The following SPTLC2 variants were observed in gnomAD, a reference collection of about 807,000 sequenced individuals.
SPTLC2 encodes the protein serine palmitoyltransferase 2.
A neutral mutation model predicts 62.0 loss-of-function variants in SPTLC2; 21 were observed. The observed-to-expected ratio is 0.34, with a 90% CI of 0.24 to 0.49. SPTLC2 has a LOEUF of 0.49. SPTLC2 is among the 20% of genes least tolerant of loss of function. The pLI, the probability that SPTLC2 is intolerant of heterozygous loss-of-function variation, is 0.99. For missense variants in SPTLC2, 511 were observed against 713.0 expected, an observed-to-expected ratio of 0.72 and a Z score of 3.23; for synonymous variants, 261 against 261.8, an observed-to-expected ratio of 1.00 and a Z score of 0.03.
At chr14:77,595,175 G>A (rs367942500) in intron 2 of SPTLC2, among the ~76,000 whole-genome samples, 1 of 152,068 alleles carries the variant, frequency 6.6e-6, no homozygotes, top group Non-Finnish European at 1.5e-5. Context: ...GAACAGCCTG[G>A]CCAACATGGT....
At chr14:77,554,445 A>T (rs1020457047) in intron 8 of SPTLC2, among the ~76,000 whole-genome samples, 1 of 152,156 alleles carries the variant, frequency 6.6e-6, no homozygotes, top group African/African-American at 2.4e-5. Flanking sequence ...TCCGGCAACT[A>T]CTAATCTACT....
chr14:77,607,405 T>C (rs1181975019), intron 1 of SPTLC2, among the ~76,000 whole-genome samples: 1 of 152,208 alleles, frequency 6.6e-6, no homozygotes, highest in Non-Finnish European at 1.5e-5. Flanking sequence ...GCAAAAGTAA[T>C]TACTTTCAAT....
intron 9 of SPTLC2, among the ~76,000 whole-genome samples, chr14:77,549,926 C>A (rs1464205734): frequency 6.6e-6 from 1 of 152,182 alleles, no homozygotes; most frequent in African/African-American, 2.4e-5. Flanking sequence ...AGCTCTTAGC[C>A]ATTTCTTAGT....
At chr14:77,559,279 C>T (rs1969599) in intron 6 of SPTLC2, among the ~76,000 whole-genome samples, 9,427 of 152,086 alleles carry the variant, frequency 0.062, 407 homozygotes, top group Admixed American at 0.15. Context: ...GCCAAGATCA[C>T]GCCACTGCCC....
At chr14:77,550,669 AG>A (rs34448670) in intron 9 of SPTLC2, among the ~76,000 whole-genome samples, 25,535 of 151,974 alleles carry the variant, frequency 0.17, 2,424 homozygotes, top group African/African-American at 0.26. Flanking sequence ...TGGAAGGCCA[AG>A]GCAGGCAGAC....
intron 2 of SPTLC2, among the ~76,000 whole-genome samples, chr14:77,583,241 AAAT>A (rs1422851861): frequency 6.8e-6 from 1 of 148,012 alleles, no homozygotes; most frequent in African/African-American, 2.5e-5. Flanking sequence ...AAATAAATAA[AAAT>A]AATAATTTTA....
chr14:77,578,424 TAAAG>T (rs1341319046), intron 3 of SPTLC2, among the ~76,000 whole-genome samples: 1 of 150,906 alleles, frequency 6.6e-6, no homozygotes, highest in East Asian at 2.0e-4. Flanking sequence ...TTTTTAAAAA[TAAAG>T]AAGCCAGGCT....
Position 77,508,678 on chromosome 14 carries a change from C to T in SPTLC2, c.*3606G>A, listed in dbSNP as rs1403358903. On this transcript the variant is annotated 3_prime_UTR_variant, in exon 12 of 12. Coordinates refer to ENST00000216484, the MANE Select transcript of SPTLC2 (RefSeq NM_004863.4). ...AGAAGGAAGCAAAGTGTATAACACA[C>T]TAGAAAATTCAGCTAGGCTGAACTA... is the stretch of plus-strand genomic sequence containing the variant. The T allele has an allele frequency of 1.3e-5, 2 of 152,176 alleles. No individual in the cohort carries two copies. The highest frequency in any genetic ancestry group is 4.8e-5 in the African/African-American group (2 of 41,440). 9.4% of individuals were successfully genotyped at this position (152,176 alleles called of 1,614,324 possible).
chr14:77,573,032 C>T (rs981947416), intron 4 of SPTLC2, among the ~76,000 whole-genome samples: 8 of 152,172 alleles, frequency 5.3e-5, no homozygotes, highest in African/African-American at 1.2e-4. Context: ...TAATTTTCTT[C>T]GAGAACTTTT....
At chr14:77,547,126 A>G (rs1269966182) in intron 9 of SPTLC2, among the ~76,000 whole-genome samples, 2 of 152,118 alleles carry the variant, frequency 1.3e-5, no homozygotes, top group African/African-American at 4.8e-5. Context: ...CGGCCTCCCA[A>G]AGTGCTGGGA....
At chr14:77,519,843 C>T (rs2079377404) in intron 10 of SPTLC2, among the ~76,000 whole-genome samples, 1 of 152,152 alleles carries the variant, frequency 6.6e-6, no homozygotes. Flanking sequence ...GCACATGCTC[C>T]CAAACTGTCT....
chr14:77,532,434 G>A (rs544779160), intron 9 of SPTLC2, among the ~76,000 whole-genome samples: 2 of 152,108 alleles, frequency 1.3e-5, no homozygotes, highest in Non-Finnish European at 2.9e-5. Flanking sequence ...TGCATACCCT[G>A]CCAAGATGGG....
chr14:77,576,288 C>T (rs1481385119), intron 4 of SPTLC2, among the ~76,000 whole-genome samples: 2 of 152,056 alleles, frequency 1.3e-5, no homozygotes, highest in Non-Finnish European at 2.9e-5. Context: ...AAACTTAAAA[C>T]AATAATAAAA....
At chr14:77,528,330 C>G (rs1412790154) in intron 9 of SPTLC2, among the ~76,000 whole-genome samples, 1 of 152,050 alleles carries the variant, frequency 6.6e-6, no homozygotes, top group Non-Finnish European at 1.5e-5. Flanking sequence ...CTCCCGGGTT[C>G]AGGCAATTCT....
chr14:77,580,030 T>C (rs1032965328), intron 2 of SPTLC2, among the ~76,000 whole-genome samples: 48 of 152,198 alleles, frequency 3.2e-4, no homozygotes, highest in African/African-American at 1.1e-3. Flanking sequence ...CCCACATTAA[T>C]AGATTAGGGG....
chr14:77,611,624 G>A (rs1056740430), intron 1 of SPTLC2, among the ~76,000 whole-genome samples: 2 of 152,052 alleles, frequency 1.3e-5, no homozygotes, highest in African/African-American at 2.4e-5. Context: ...TCAGGAGTTC[G>A]AGACCAGCCT....
At chr14:77,513,016 C>T (rs1258183363) in intron 11 of SPTLC2, among the ~76,000 whole-genome samples, 94 of 62,814 alleles carry the variant, frequency 1.5e-3, no homozygotes, top group East Asian at 6.5e-3. Flanking sequence ...AACCCAGCAA[C>T]TTTTTTTTTT....
At chr14:77,586,036 T>C (rs569382416) in intron 2 of SPTLC2, among the ~76,000 whole-genome samples, 14 of 152,100 alleles carry the variant, frequency 9.2e-5, no homozygotes, top group African/African-American at 3.4e-4. Context: ...AAGGTACATG[T>C]AGACTTTGAC....
At chr14:77,542,588 G>A (rs893080386) in intron 9 of SPTLC2, among the ~76,000 whole-genome samples, 2 of 152,140 alleles carry the variant, frequency 1.3e-5, no homozygotes, top group Non-Finnish European at 2.9e-5. Context: ...CTAGACTGGC[G>A]ACAAATATCA....
Sources: allele counts gnomAD v4.1 joint callset (sites outside exome capture counted in the v4.1 genomes callset), GRCh38; gene constraint gnomAD v4.1.1; transcripts MANE v1.5; gene names NCBI Gene and HGNC (gene_info 2026-07-23, HGNC 2026-07-21).